ACTN1: variants seen among roughly 807,000 people sequenced by gnomAD.
ACTN1 encodes the protein actinin alpha 1, also known as alpha-actinin-1.
A neutral mutation model predicts 119.6 loss-of-function variants in ACTN1; 30 were observed. The ratio of observed to expected loss-of-function variants is 0.25; its 90% confidence interval spans 0.19 to 0.34. The LOEUF (loss-of-function observed/expected upper bound fraction) is 0.34, where lower values mean the gene tolerates loss of function less well. Among genes scored for constraint, ACTN1 ranks in the 10% least tolerant of loss-of-function variants. ACTN1 has a pLI of 1.00. For synonymous variants in ACTN1, 429 were observed against 472.6 expected (o/e 0.91, Z 1.20); for missense variants, 764 against 1,223.4 (o/e 0.62, Z 5.60).
In ACTN1 at chr14:68,878,548, C is replaced by A. The variant is rs759765360; in HGVS notation, c.2362-25G>T. ...TCTGTGGGGGGCAGTGGTACCAAGA[C>A]ACAAGGAGGGTCGGGAAGGCAGGAA... On this transcript the variant is annotated intron_variant, in intron 19 of 21. Coordinates refer to ENST00000394419, the MANE Select transcript of ACTN1 (RefSeq NM_001130004.2). The surrounding 1 kb of genome is among the most constrained non-coding windows in gnomAD (Gnocchi z 4.4). 2 of 1,612,192 alleles carry A rather than the reference C, an allele frequency of 1.2e-6. No homozygotes were observed. The highest frequency in any genetic ancestry group is 1.1e-5 in the South Asian group (1 of 90,824).
Position 68,885,317 on chromosome 14 carries a change from G to C in ACTN1, c.1385+108C>G. The C allele has an allele frequency of 7.2e-7, 1 of 1,383,692 alleles. No homozygotes were observed. Among genetic ancestry groups the C allele is most frequent in the African/African-American group, 1.4e-5 (1 of 69,408 alleles). The allele number at this position is 1,383,692 out of a possible 1,614,324, so 85.7% of individuals were successfully genotyped here. A position where few individuals can be genotyped will look rare whatever the true frequency, so the allele number is the denominator to read the frequency against. On this transcript the variant is annotated intron_variant, in intron 12 of 21. Transcript: ENST00000394419. This position sits in a 1 kb window ranked among gnomAD's most constrained non-coding sequence, Gnocchi z 5.6. ...TCCCTCCCCACCTGGGCACCCACCTGTACCCACCCTCCCCATCTTCCACGG... is the reference window on the plus strand; with the variant it reads ...TCCCTCCCCACCTGGGCACCCACCTCTACCCACCCTCCCCATCTTCCACGG...
At chr14:68,969,248 C>T (rs2036801929) in intron 1 of ACTN1, among the ~76,000 whole-genome samples, 1 of 152,200 alleles carries the variant, frequency 6.6e-6, no homozygotes. Flanking sequence ...ATGCAGATTT[C>T]TAATAAGAGG....
chr14:68,953,761 C>A (rs540520475), intron 1 of ACTN1, among the ~76,000 whole-genome samples: 1 of 151,862 alleles, frequency 6.6e-6, no homozygotes, highest in African/African-American at 2.4e-5. Flanking sequence ...GTGGCATGCG[C>A]CTGTACTCCC....
In ACTN1 at chr14:68,878,254, G is replaced by C. The variant is rs2031114704; in HGVS notation, c.2427+204C>G. 1.6e-6 allele frequency: 1 copy of C among 615,254 alleles called. No homozygotes were observed. 38.1% of individuals were successfully genotyped at this position (615,254 alleles called of 1,614,324 possible). A position where few individuals can be genotyped will look rare whatever the true frequency, so the allele number is the denominator to read the frequency against. On this transcript the variant is annotated intron_variant, in intron 20 of 21. Coordinates refer to ENST00000394419, the MANE Select transcript of ACTN1 (RefSeq NM_001130004.2). The surrounding 1 kb of genome is among the most constrained non-coding windows in gnomAD (Gnocchi z 4.4). Reference sequence around the variant, plus strand: ...AGTGGCACAGAGATTGAGGCGAGGAGGTCAGGCCTCCCGGATACACACACG... The same window carrying C: ...AGTGGCACAGAGATTGAGGCGAGGACGTCAGGCCTCCCGGATACACACACG...
chr14:68,945,018 T>C (rs149584688), intron 1 of ACTN1, among the ~76,000 whole-genome samples: 2 of 151,768 alleles, frequency 1.3e-5, no homozygotes, highest in Non-Finnish European at 2.9e-5. Flanking sequence ...AATACAAAAT[T>C]AGCTGGGTGT....
rs571470812 is a variant in ACTN1, at chr14:68,978,717, C to T, written c.105+235G>A. ...CCCAAGGAGACCTGCCCGCCAGCGG[C>T]GCCACCTCCCCGCGCTCCGGCCCGG... On this transcript the variant is annotated intron_variant, in intron 1 of 21. Coordinates refer to ENST00000394419, the MANE Select transcript of ACTN1 (RefSeq NM_001130004.2). 712 of 352,152 alleles carry T rather than the reference C, an allele frequency of 2.0e-3. 5 individuals are homozygous for T. Among genetic ancestry groups the T allele is most frequent in the African/African-American group, 0.014 (668 of 46,250 alleles). 21.8% of individuals were successfully genotyped at this position (352,152 alleles called of 1,614,324 possible).
chr14:68,904,868 A>AAGG, intron 6 of ACTN1, 132 bp from the exon 7 acceptor site: 1 of 673,138 alleles, frequency 1.5e-6, no homozygotes. Flanking sequence ...TCCTCAGGGG[A>AAGG]CAGCTCCAGA....
At chr14:68,968,498 G>A (rs1054883382) in intron 1 of ACTN1, among the ~76,000 whole-genome samples, 9 of 152,270 alleles carry the variant, frequency 5.9e-5, no homozygotes, top group Non-Finnish European at 1.3e-4. Flanking sequence ...TTTTAAAACA[G>A]GCACAAAGAT....
In ACTN1 at chr14:68,921,043, G is replaced by A. The variant is rs750437874; in HGVS notation, c.303C>T (p.Ala101=). 65 of 1,614,076 alleles carry A rather than the reference G, an allele frequency of 4.0e-5. No homozygotes were observed. The highest frequency in any genetic ancestry group is 5.2e-5 in the Non-Finnish European group (61 of 1,180,010). ...SNVNKALDFI[A]SKGVKLVSIG... ...TGGACACCAGTTTGACGCCTTTGCT[G>A]GCTATGAAATCCAGGGCCTTGTTGA... is the stretch of plus-strand genomic sequence containing the variant. The change falls in exon 3 of 22, where the codon GCC becomes GCT. Residue 101 remains alanine, a synonymous_variant. Transcript: ENST00000394419.
At chr14:68,939,433 G>A (rs1180787761) in intron 1 of ACTN1, among the ~76,000 whole-genome samples, 1 of 152,146 alleles carries the variant, frequency 6.6e-6, no homozygotes, top group Non-Finnish European at 1.5e-5. Context: ...GAATGATGAT[G>A]GTGAAAATAG....
At chr14:68,950,718 C>T (rs1321791238) in intron 1 of ACTN1, among the ~76,000 whole-genome samples, 5 of 151,884 alleles carry the variant, frequency 3.3e-5, no homozygotes, top group Non-Finnish European at 7.4e-5. Context: ...CCCGCCACCA[C>T]GCCTGGCTAA....
chr14:68,881,462 T>C (rs181460), intron 16 of ACTN1, among the ~76,000 whole-genome samples: 69,613 of 151,986 alleles, frequency 0.46, 16,392 homozygotes, highest in Admixed American at 0.56. Context: ...TGAATCCCAT[T>C]CATCCCTGCA....
chr14:68,957,355 A>C (rs2036382825), intron 1 of ACTN1, among the ~76,000 whole-genome samples: 1 of 152,070 alleles, frequency 6.6e-6, no homozygotes, highest in African/African-American at 2.4e-5. Context: ...ATCCCACCCA[A>C]CTCAATGAAA....
At chr14:68,904,085 C>T (rs997148390) in intron 7 of ACTN1, among the ~76,000 whole-genome samples, 1 of 152,168 alleles carries the variant, frequency 6.6e-6, no homozygotes, top group South Asian at 2.1e-4. Flanking sequence ...TGGCTGGGAT[C>T]TTCCCAGACA....
intron 4 of ACTN1, among the ~76,000 whole-genome samples, chr14:68,910,743 G>A (rs185936541): frequency 5.3e-5 from 8 of 152,276 alleles, no homozygotes; most frequent in South Asian, 4.1e-4. Flanking sequence ...GGAGAGAGAC[G>A]GTGGGAGATG....
Position 68,879,883 on chromosome 14 carries a change from C to T in ACTN1, c.2280+79G>A, listed in dbSNP as rs570669181. 28 of 1,550,204 alleles carry T rather than the reference C, an allele frequency of 1.8e-5. No homozygotes were observed. Among genetic ancestry groups the T allele is most frequent in the African/African-American group, 2.7e-5 (2 of 73,398 alleles). On this transcript the variant is annotated intron_variant, in intron 18 of 21. Coordinates refer to ENST00000394419, the MANE Select transcript of ACTN1 (RefSeq NM_001130004.2). The surrounding 1 kb of genome is among the most constrained non-coding windows in gnomAD (Gnocchi z 4.9). ...CCCTCCTCACTTGCATGGCAGCCCA[C>T]GTCCCGGGGAAGTGCCCTCCAGGGC...
At chr14:68,883,536 C>G (rs1007487758) in intron 14 of ACTN1, 22 of 153,732 alleles carry the variant, frequency 1.4e-4, no homozygotes, top group African/African-American at 5.3e-4. Context: ...CTTTGGAAGG[C>G]CGAAATGGGA....
At chr14:68,957,404 G>T (rs1286084132) in intron 1 of ACTN1, among the ~76,000 whole-genome samples, 1 of 152,204 alleles carries the variant, frequency 6.6e-6, no homozygotes, top group Admixed American at 6.5e-5. Context: ...CTGTGCATCA[G>T]CTCCTATATG....
At chr14:68,883,935 G>A (rs1314059601) in intron 14 of ACTN1, among the ~76,000 whole-genome samples, 1 of 152,170 alleles carries the variant, frequency 6.6e-6, no homozygotes, top group Non-Finnish European at 1.5e-5. Flanking sequence ...AGAACTAGGG[G>A]CTGGAGGATA....
Sources: allele counts gnomAD v4.1 joint callset (sites outside exome capture counted in the v4.1 genomes callset), GRCh38; gene constraint gnomAD v4.1.1; non-coding constraint Gnocchi (gnomAD v3.1); transcripts MANE v1.5; gene names NCBI Gene and HGNC (gene_info 2026-07-23, HGNC 2026-07-21).